TAF3: variants seen among roughly 807,000 people sequenced by gnomAD.
The protein encoded by TAF3 is TATA-box binding protein associated factor 3.
In TAF3, 7 loss-of-function variants were observed where a neutral mutation model predicts 80.6. The observed-to-expected ratio is 0.09, with a 90% CI of 0.05 to 0.16. The LOEUF (loss-of-function observed/expected upper bound fraction) is 0.16, where lower values mean the gene tolerates loss of function less well. TAF3 is among the 10% of genes least tolerant of loss of function. The pLI is 1.00. For synonymous variants in TAF3, 444 were observed against 446.1 expected, an observed-to-expected ratio of 1.00 and a Z score of 0.06; for missense variants, 921 against 1,140.2, an observed-to-expected ratio of 0.81 and a Z score of 2.77.
chr10:7,950,232 A>G (rs374811441), intron 2 of TAF3, among the ~76,000 whole-genome samples: 207 of 152,314 alleles, frequency 1.4e-3, no homozygotes, highest in African/African-American at 4.8e-3. Flanking sequence ...GTCTTTGAAA[A>G]GACAGTATTA....
chr10:7,998,243 A>ATATATATATATATATATATG (rs1831907862), intron 4 of TAF3, among the ~76,000 whole-genome samples: 10 of 19,364 alleles, frequency 5.2e-4, no homozygotes, highest in African/African-American at 1.4e-3. Flanking sequence ...AGTGAGAACT[A>ATATATATATATATATATATG]TATATATATA....
At chr10:7,871,682 G>C (rs897756376) in intron 2 of TAF3, among the ~76,000 whole-genome samples, 4 of 151,874 alleles carry the variant, frequency 2.6e-5, no homozygotes, top group Non-Finnish European at 5.9e-5. Context: ...AACCTCAGGT[G>C]ATCTGCCCAC....
chr10:7,885,802 A>G (rs1837403984), intron 2 of TAF3, among the ~76,000 whole-genome samples: 1 of 152,126 alleles, frequency 6.6e-6, no homozygotes, highest in Non-Finnish European at 1.5e-5. Context: ...CTCTAAATGG[A>G]GGCTCCTTGA....
chr10:7,932,871 G>T (rs1386160442), intron 2 of TAF3, among the ~76,000 whole-genome samples: 1 of 151,710 alleles, frequency 6.6e-6, no homozygotes, highest in Non-Finnish European at 1.5e-5. Flanking sequence ...TGTGGACGGG[G>T]ATCTCAATAT....
intron 2 of TAF3, among the ~76,000 whole-genome samples, chr10:7,960,656 C>T (rs939046208): frequency 6.6e-6 from 1 of 152,192 alleles, no homozygotes; most frequent in East Asian, 1.9e-4. Context: ...CACGCAGGGG[C>T]TCACTGTGAA....
At chr10:7,960,648 C>G (rs551445185) in intron 2 of TAF3, among the ~76,000 whole-genome samples, 2 of 152,150 alleles carry the variant, frequency 1.3e-5, no homozygotes, top group African/African-American at 4.8e-5. Context: ...GGGTAGAGCA[C>G]GCAGGGGCTC....
chr10:7,925,092 G>A (rs1837802486), intron 2 of TAF3, among the ~76,000 whole-genome samples: 1 of 152,136 alleles, frequency 6.6e-6, no homozygotes, highest in African/African-American at 2.4e-5. Flanking sequence ...AGACCACAGA[G>A]GTATTAACTA....
intron 2 of TAF3, among the ~76,000 whole-genome samples, chr10:7,933,301 C>T (rs898974514): frequency 6.6e-6 from 1 of 152,152 alleles, no homozygotes; most frequent in African/African-American, 2.4e-5. Flanking sequence ...AGATCAGAGG[C>T]ACATAGTGGA....
chr10:7,920,468 A>G (rs775787041), intron 2 of TAF3, among the ~76,000 whole-genome samples: 3 of 151,862 alleles, frequency 2.0e-5, no homozygotes, highest in African/African-American at 4.8e-5. Context: ...TTGTTCTGCA[A>G]TTTAAATGAT....
intron 2 of TAF3, among the ~76,000 whole-genome samples, chr10:7,889,354 C>T (rs1433251088): frequency 1.3e-5 from 2 of 152,216 alleles, no homozygotes; most frequent in Non-Finnish European, 2.9e-5. Context: ...TGCTCCATGC[C>T]GGGCACTGTT....
intron 3 of TAF3, chr10:7,975,097 G>T: frequency 3.5e-6 from 1 of 283,694 alleles, no homozygotes; most frequent in Non-Finnish European, 7.0e-6. Flanking sequence ...AAAAAAGAGT[G>T]AGATGAAAAT....
chr10:7,992,418 G>A (rs1427970153), intron 4 of TAF3, among the ~76,000 whole-genome samples: 1 of 152,190 alleles, frequency 6.6e-6, no homozygotes, highest in African/African-American at 2.4e-5. Flanking sequence ...TCTCTCAGGA[G>A]CATAAGTAAA....
intron 2 of TAF3, among the ~76,000 whole-genome samples, chr10:7,959,160 A>G (rs1192993518): frequency 1.4e-5 from 2 of 138,068 alleles, no homozygotes; most frequent in East Asian, 2.3e-4. Flanking sequence ...ACACACACAC[A>G]CACAAAAAAA....
At chr10:7,874,317 G>T (rs1233849584) in intron 2 of TAF3, among the ~76,000 whole-genome samples, 1 of 152,142 alleles carries the variant, frequency 6.6e-6, no homozygotes, top group Non-Finnish European at 1.5e-5. Context: ...AAATGCAAAA[G>T]GACAGCTAGT....
Position 7,965,653 on chromosome 10 carries a change from G to GAGAAGGAGA in TAF3, c.2155_2163dup (p.Lys719_Lys721dup). 1.3e-6 allele frequency: 2 copies of GAGAAGGAGA among 1,597,582 alleles called. No individual in the cohort carries two copies. Among genetic ancestry groups the GAGAAGGAGA allele is most frequent in the Non-Finnish European group, 1.7e-6 (2 of 1,174,398 alleles). ...GGAGAAGAAGAAAAAGAAGGAAAAA[G>GAGAAGGAGA]AGAAGGAGAAGAAGGAGAAGGAAAG... On this transcript the variant is annotated inframe_insertion, in exon 3 of 7. Coordinates refer to ENST00000344293, the MANE Select transcript of TAF3 (RefSeq NM_031923.4).
At position 7,869,347 on chromosome 10, in the gene TAF3, C is replaced by T. The variant is rs535506154; in HGVS notation, c.409+44787C>T. On this transcript the variant is annotated intron_variant, in intron 2 of 6. Transcript: ENST00000344293. ...ATACACACACATAAATACATACGTA[C>T]ATAGATGTTGATTTCTTTTTCCAAA... Among the ~76,000 whole-genome samples, 3 of 152,190 alleles carry T rather than the reference C, an allele frequency of 2.0e-5. No homozygotes were observed. The South Asian group carries it at 6.2e-4, about 32-fold the overall frequency.
At chr10:7,861,001 G>A (rs527782883) in intron 2 of TAF3, among the ~76,000 whole-genome samples, 17 of 150,632 alleles carry the variant, frequency 1.1e-4, no homozygotes, top group Non-Finnish European at 2.2e-4. Flanking sequence ...TTGCTGTGTC[G>A]CCTGGGCTGG....
chr10:7,925,322 C>T (rs1837804444), intron 2 of TAF3, among the ~76,000 whole-genome samples: 1 of 152,170 alleles, frequency 6.6e-6, no homozygotes, highest in Admixed American at 6.5e-5. Context: ...CATAATGGCT[C>T]AGCCTTGACT....
At chr10:7,840,621 A>T (rs1437434857) in intron 2 of TAF3, among the ~76,000 whole-genome samples, 4 of 151,652 alleles carry the variant, frequency 2.6e-5, no homozygotes, top group Non-Finnish European at 5.9e-5. Flanking sequence ...AAATTTTCCC[A>T]CGTGTGTGAG....
Sources: gnomAD v4.1 joint callset for allele counts (sites outside exome capture counted in the v4.1 genomes callset) on GRCh38, gnomAD v4.1.1 for gene constraint, MANE v1.5 for transcripts, NCBI Gene and HGNC (gene_info 2026-07-23, HGNC 2026-07-21) for gene names.